SMYD3: variants seen among roughly 807,000 people sequenced by gnomAD.
The protein encoded by SMYD3 is SET and MYND domain containing 3.
SMYD3 carries 36 observed loss-of-function variants against 57.7 expected under a neutral mutation model. The ratio of observed to expected loss-of-function variants is 0.62; its 90% CI spans 0.48 to 0.82. The LOEUF (loss-of-function observed/expected upper bound fraction) is 0.82. Among genes scored for constraint, SMYD3 ranks in the 40% least tolerant of loss-of-function variants. The pLI is 0.00. For missense variants in SMYD3, 515 were observed against 538.8 expected, an observed-to-expected ratio of 0.96 and a Z score of 0.44; for synonymous variants, 211 against 195.0, an observed-to-expected ratio of 1.08 and a Z score of -0.68.
chr1:245,969,904 T>C (rs1279288592), intron 5 of SMYD3, among the ~76,000 whole-genome samples: 3 of 152,164 alleles, frequency 2.0e-5, no homozygotes, highest in Non-Finnish European at 2.9e-5. Flanking sequence ...ATAAAGACTA[T>C]TAAAACAACA....
intron 8 of SMYD3, among the ~76,000 whole-genome samples, chr1:245,904,738 C>T (rs1043025209): frequency 2.6e-5 from 4 of 152,154 alleles, no homozygotes; most frequent in African/African-American, 4.8e-5. Context: ...AGGGGGCATG[C>T]GACATACTGA....
intron 10 of SMYD3, among the ~76,000 whole-genome samples, chr1:245,768,808 T>C (rs1408211116): frequency 6.6e-6 from 1 of 151,920 alleles, no homozygotes; most frequent in Non-Finnish European, 1.5e-5. Flanking sequence ...ATGTTGGAAA[T>C]GGAAAGCAGC....
intron 1 of SMYD3, among the ~76,000 whole-genome samples, chr1:246,440,330 A>G (rs2067443112): frequency 6.6e-6 from 1 of 152,110 alleles, no homozygotes; most frequent in Admixed American, 6.5e-5. Flanking sequence ...AGCAAAAGAT[A>G]CCTCCCACAA....
At chr1:245,796,138 G>A (rs1392459136) in intron 10 of SMYD3, among the ~76,000 whole-genome samples, 1 of 152,190 alleles carries the variant, frequency 6.6e-6, no homozygotes, top group Non-Finnish European at 1.5e-5. Flanking sequence ...ATGGCCCAAT[G>A]TGAAAGACAG....
chr1:246,267,697 C>G (rs1223046804), intron 5 of SMYD3, among the ~76,000 whole-genome samples: 3 of 152,208 alleles, frequency 2.0e-5, no homozygotes, highest in Admixed American at 6.5e-5. Flanking sequence ...TTCTGAGTCT[C>G]TCTTGCAGCC....
At chr1:246,397,171 C>T (rs770673958) in intron 1 of SMYD3, among the ~76,000 whole-genome samples, 10 of 152,176 alleles carry the variant, frequency 6.6e-5, no homozygotes, top group Non-Finnish European at 1.5e-4. Flanking sequence ...CACCTGAGCT[C>T]CACCTCCTGT....
chr1:245,848,620 C>T (rs749197590), intron 10 of SMYD3, among the ~76,000 whole-genome samples: 12 of 152,048 alleles, frequency 7.9e-5, no homozygotes, highest in Admixed American at 2.0e-4. Context: ...CTGTGTCACC[C>T]AGGTCTGTCT....
intron 5 of SMYD3, among the ~76,000 whole-genome samples, chr1:245,951,419 A>G (rs1413529112): frequency 7.2e-6 from 1 of 138,176 alleles, no homozygotes; most frequent in African/African-American, 3.0e-5. Context: ...AATACAAAAA[A>G]TTAGCTGGGC....
chr1:245,908,486 C>T (rs543088138), intron 8 of SMYD3, among the ~76,000 whole-genome samples: 1 of 152,260 alleles, frequency 6.6e-6, no homozygotes, highest in African/African-American at 2.4e-5. Context: ...CAGAGGAATC[C>T]AGCAGATGTT....
chr1:246,290,509 T>C (rs1488146634), intron 5 of SMYD3, among the ~76,000 whole-genome samples: 8 of 152,212 alleles, frequency 5.3e-5, no homozygotes, highest in South Asian at 4.1e-4. Context: ...AACCTTGAAA[T>C]TGGCCTGTAA....
At chr1:245,849,295 G>T (rs2050830049) in intron 10 of SMYD3, among the ~76,000 whole-genome samples, 1 of 152,210 alleles carries the variant, frequency 6.6e-6, no homozygotes, top group South Asian at 2.1e-4. Context: ...AGTGTTAAAA[G>T]AGGGGATTGG....
chr1:245,838,185 C>T (rs1313238060), intron 10 of SMYD3, among the ~76,000 whole-genome samples: 2 of 152,216 alleles, frequency 1.3e-5, no homozygotes, highest in African/African-American at 4.8e-5. Flanking sequence ...ACTAAAATTG[C>T]AATGACAGGT....
intron 10 of SMYD3, among the ~76,000 whole-genome samples, chr1:245,829,252 T>C (rs962277747): frequency 1.3e-5 from 2 of 152,164 alleles, no homozygotes; most frequent in Admixed American, 6.5e-5. Flanking sequence ...AATGGAAGTA[T>C]TGAATATTTA....
chr1:245,984,102 C>G, intron 5 of SMYD3, among the ~76,000 whole-genome samples: 1 of 150,836 alleles, frequency 6.6e-6, no homozygotes, highest in Non-Finnish European at 1.5e-5. Context: ...TGGGTTCAAG[C>G]GATTCTCCTG....
At chr1:246,316,426 C>G (rs544066579) in intron 5 of SMYD3, among the ~76,000 whole-genome samples, 74 of 149,634 alleles carry the variant, frequency 4.9e-4, no homozygotes, top group Middle Eastern at 3.2e-3. Flanking sequence ...ATGGCACAAT[C>G]TCAGCTCGCT....
At chr1:246,235,738 G>A (rs1218723474) in intron 5 of SMYD3, among the ~76,000 whole-genome samples, 1 of 152,096 alleles carries the variant, frequency 6.6e-6, no homozygotes, top group East Asian at 1.9e-4. Flanking sequence ...GGGAGGGCTG[G>A]GGAAAGAGCC....
intron 5 of SMYD3, among the ~76,000 whole-genome samples, chr1:246,148,185 C>A (rs543727859): frequency 6.6e-6 from 1 of 152,094 alleles, no homozygotes; most frequent in Non-Finnish European, 1.5e-5. Context: ...ATGGGCCAAT[C>A]GGCAGGAACT....
chr1:246,329,670 T>C (rs2065426789), intron 4 of SMYD3, among the ~76,000 whole-genome samples: 1 of 152,246 alleles, frequency 6.6e-6, no homozygotes, highest in Non-Finnish European at 1.5e-5. Context: ...TAGTTTCTTT[T>C]GCTGTGCAGA....
intron 5 of SMYD3, among the ~76,000 whole-genome samples, chr1:245,947,734 G>GT (rs2057472270): frequency 6.6e-6 from 1 of 152,098 alleles, no homozygotes; most frequent in Non-Finnish European, 1.5e-5. Context: ...TCGATCAACT[G>GT]TAAGACCCAC....
Sources: gnomAD v4.1 joint callset for allele counts (sites outside exome capture counted in the v4.1 genomes callset) on GRCh38, gnomAD v4.1.1 for gene constraint, MANE v1.5 for transcripts, NCBI Gene and HGNC (gene_info 2026-07-23, HGNC 2026-07-21) for gene names.